Variants in ZBTB20 observed in about 807,000 individuals in gnomAD.
ZBTB20 encodes zinc finger and BTB domain-containing protein 20.
A neutral mutation model predicts 56.9 loss-of-function variants in ZBTB20; 9 were observed. The observed-to-expected ratio is 0.16, with a 90% CI of 0.10 to 0.28. ZBTB20 has a LOEUF of 0.28. Ranked by LOEUF, ZBTB20 falls within the 10% of genes least tolerant of loss-of-function variation. The probability of loss-of-function intolerance (pLI) is 1.00; values close to 1 mark genes in which losing one functional copy is unlikely to be tolerated. For missense variants in ZBTB20, 655 were observed against 1,003.0 expected, an observed-to-expected ratio of 0.65 and a Z score of 4.69; for synonymous variants, 417 against 420.7, an observed-to-expected ratio of 0.99 and a Z score of 0.11.
At chr3:114,861,753 TCTC>T (rs1329587796) in intron 4 of ZBTB20, 1 of 151,442 alleles carries the variant, frequency 6.6e-6, no homozygotes, top group Non-Finnish European at 1.5e-5. Context: ...CCTCCAAAAC[TCTC>T]CTTACTCTTG....
chr3:114,667,009 T>C (rs2061095692), intron 6 of ZBTB20, among the ~76,000 whole-genome samples: 2 of 151,972 alleles, frequency 1.3e-5, no homozygotes. Flanking sequence ...ACATATGAAA[T>C]GTGTAAAAGC....
intron 3 of ZBTB20, among the ~76,000 whole-genome samples, chr3:114,973,051 G>T (rs2077952867): frequency 6.6e-6 from 1 of 152,164 alleles, no homozygotes. Context: ...AAGAACAGCA[G>T]AAATTACTGA....
chr3:114,843,625 TC>T lies in ZBTB20; in HGVS notation c.-416-42452del, dbSNP rs1560311598. Among the ~76,000 whole-genome samples the T allele has an allele frequency of 2.6e-5, 4 of 152,236 alleles. No homozygotes were observed. The South Asian group carries it at 8.3e-4, about 32-fold the overall frequency. ...CTCAAGTGATCCTCCCACCTCAGCCTCCTAAAGCTCTGGGATTACAGGCATA... is the reference window on the plus strand; with the variant it reads ...CTCAAGTGATCCTCCCACCTCAGCCTCTAAAGCTCTGGGATTACAGGCATA... On this transcript the variant is annotated intron_variant, in intron 4 of 11. Coordinates refer to ENST00000675478, the MANE Select transcript of ZBTB20 (RefSeq NM_001348800.3).
At chr3:114,519,161 C>T (rs1369272992) in intron 6 of ZBTB20, 5 of 152,202 alleles carry the variant, frequency 3.3e-5, no homozygotes, top group African/African-American at 1.2e-4. Flanking sequence ...CCAATTTTGC[C>T]TTTTGTCCTC....
intron 6 of ZBTB20, among the ~76,000 whole-genome samples, chr3:114,566,910 T>A (rs2052826842): frequency 2.0e-5 from 3 of 152,196 alleles, no homozygotes; most frequent in Non-Finnish European, 4.4e-5. Flanking sequence ...ATGATAATGG[T>A]TAGTGCTGAG....
intron 10 of ZBTB20, among the ~76,000 whole-genome samples, chr3:114,363,709 A>T (rs2733415): frequency 0.98 from 149,408 of 152,278 alleles, 73,314 homozygotes; most frequent in East Asian, 1. Flanking sequence ...ATTCTAATTG[A>T]GGCTGAGTCA....
chr3:114,472,212 C>T (rs2040210727), intron 7 of ZBTB20, among the ~76,000 whole-genome samples: 1 of 152,164 alleles, frequency 6.6e-6, no homozygotes, highest in South Asian at 2.1e-4. Context: ...GAGCAGAATT[C>T]CCTACTTAGA....
intron 1 of ZBTB20, among the ~76,000 whole-genome samples, chr3:115,090,720 C>T (rs1323614130): frequency 6.6e-6 from 1 of 151,726 alleles, no homozygotes; most frequent in African/African-American, 2.4e-5. Context: ...TATAAAAAAA[C>T]TTCATATATA....
intron 6 of ZBTB20, among the ~76,000 whole-genome samples, chr3:114,545,721 T>C (rs1051874028): frequency 2.0e-5 from 3 of 152,156 alleles, no homozygotes; most frequent in African/African-American, 7.2e-5. Flanking sequence ...ATTACAAGCT[T>C]CTAGTTAAAG....
At chr3:114,487,768 T>G (rs937770092) in intron 7 of ZBTB20, among the ~76,000 whole-genome samples, 1 of 152,240 alleles carries the variant, frequency 6.6e-6, no homozygotes, top group Non-Finnish European at 1.5e-5. Context: ...GTCTTTCACT[T>G]TCCCTGAAGT....
chr3:114,881,998 T>C (rs1040854587), intron 4 of ZBTB20, among the ~76,000 whole-genome samples: 3 of 151,820 alleles, frequency 2.0e-5, no homozygotes, highest in Non-Finnish European at 4.4e-5. Flanking sequence ...AAAAAATTTT[T>C]CTACATATAC....
chr3:115,126,324 T>C (rs1388326975), intron 1 of ZBTB20, among the ~76,000 whole-genome samples: 2 of 152,208 alleles, frequency 1.3e-5, no homozygotes, highest in East Asian at 1.9e-4. Flanking sequence ...AGACCATTTA[T>C]ACATCTTATG....
chr3:114,615,893 C>T (rs1225409149), intron 6 of ZBTB20, among the ~76,000 whole-genome samples: 3 of 152,186 alleles, frequency 2.0e-5, no homozygotes, highest in Non-Finnish European at 4.4e-5. Flanking sequence ...TTTACGATGT[C>T]AATAGAACCC....
chr3:114,572,492 C>T (rs150663305), intron 6 of ZBTB20, among the ~76,000 whole-genome samples: 13 of 152,338 alleles, frequency 8.5e-5, no homozygotes, highest in South Asian at 2.1e-4. Flanking sequence ...TCTGCCTTCA[C>T]TAGACTTACA....
intron 6 of ZBTB20, among the ~76,000 whole-genome samples, chr3:114,632,183 A>G (rs1184795633): frequency 2.0e-5 from 3 of 152,210 alleles, no homozygotes; most frequent in Non-Finnish European, 4.4e-5. Flanking sequence ...TCTTAAAGCC[A>G]GTGGTATCCA....
At chr3:114,452,796 C>T (rs1489784372) in intron 7 of ZBTB20, among the ~76,000 whole-genome samples, 4 of 152,024 alleles carry the variant, frequency 2.6e-5, no homozygotes, top group Admixed American at 2.0e-4. Flanking sequence ...ACTGTTGTAG[C>T]TGTTTTCTAC....
chr3:114,481,336 G>A (rs2041519950), intron 7 of ZBTB20, among the ~76,000 whole-genome samples: 1 of 150,832 alleles, frequency 6.6e-6, no homozygotes, highest in South Asian at 2.1e-4. Context: ...CAGGTCACAC[G>A]CATCCTACTA....
chr3:114,682,255 T>C (rs1357677497), intron 6 of ZBTB20, among the ~76,000 whole-genome samples: 1 of 152,172 alleles, frequency 6.6e-6, no homozygotes, highest in Non-Finnish European at 1.5e-5. Context: ...AAAAAAATGA[T>C]TAGAAAGGTA....
At chr3:114,651,872 T>C (rs1299900150) in intron 6 of ZBTB20, among the ~76,000 whole-genome samples, 1 of 152,032 alleles carries the variant, frequency 6.6e-6, no homozygotes, top group Non-Finnish European at 1.5e-5. Flanking sequence ...ATTTACATTC[T>C]ACCACATCTC....
Sources: gnomAD v4.1 joint callset for allele counts (sites outside exome capture counted in the v4.1 genomes callset) on GRCh38, gnomAD v4.1.1 for gene constraint, MANE v1.5 for transcripts, NCBI Gene and HGNC (gene_info 2026-07-23, HGNC 2026-07-21) for gene names.